NGEF: variants seen among roughly 807,000 people sequenced by gnomAD.
The protein encoded by NGEF is neuronal guanine nucleotide exchange factor.
NGEF carries 31 observed loss-of-function variants against 80.9 expected under a neutral mutation model. The observed-to-expected ratio is 0.38, with a 90% CI of 0.29 to 0.52. NGEF has a LOEUF of 0.52. Among genes scored for constraint, NGEF ranks in the 20% least tolerant of loss-of-function variants. The pLI, the probability that NGEF is intolerant of heterozygous loss-of-function variation, is 0.84. For missense variants in NGEF, 709 were observed against 926.2 expected, an observed-to-expected ratio of 0.77 and a Z score of 3.04; for synonymous variants, 371 against 370.2, an observed-to-expected ratio of 1.00 and a Z score of -0.03.
chr2:232,900,331 CGCTCTCACAGTCACTCAT>C (rs1692284389), intron 5 of NGEF, among the ~76,000 whole-genome samples: 3 of 78,032 alleles, frequency 3.8e-5, no homozygotes, highest in African/African-American at 5.4e-5. Flanking sequence ...CACTCACACA[CGCTCTCACAGTCACTCAT>C]ACACGTTCAC....
intron 3 of NGEF, among the ~76,000 whole-genome samples, chr2:232,940,012 AT>A (rs1315156298): frequency 3.4e-5 from 5 of 146,670 alleles, no homozygotes; most frequent in Non-Finnish European, 7.6e-5. Context: ...AAAAAAAAAA[AT>A]TTGAGGTCTC....
At chr2:232,969,101 A>G (rs1203185793) in intron 3 of NGEF, among the ~76,000 whole-genome samples, 1 of 152,234 alleles carries the variant, frequency 6.6e-6, no homozygotes, top group Non-Finnish European at 1.5e-5. Flanking sequence ...GTACTGACTG[A>G]TACAATACCC....
chr2:232,968,070 G>A (rs1694101189), intron 3 of NGEF, among the ~76,000 whole-genome samples: 1 of 146,872 alleles, frequency 6.8e-6, no homozygotes, highest in African/African-American at 2.6e-5. Context: ...GAACCCATTT[G>A]CTGAGGGCAG....
chr2:233,001,625 A>G (rs1361244594), intron 1 of NGEF, among the ~76,000 whole-genome samples: 1 of 152,222 alleles, frequency 6.6e-6, no homozygotes, highest in Non-Finnish European at 1.5e-5. Flanking sequence ...CAGGATTTCT[A>G]TGCTGGCTTG....
At chr2:232,912,975 T>C (rs547072042) in intron 5 of NGEF, among the ~76,000 whole-genome samples, 2 of 152,346 alleles carry the variant, frequency 1.3e-5, no homozygotes, top group South Asian at 2.1e-4. Context: ...ATTTTCTCTA[T>C]ATTTTAAAAA....
Position 232,969,622 on chromosome 2 carries a change from C to T in NGEF, c.383+592G>A, listed in dbSNP as rs571979039. Among the ~76,000 whole-genome samples, 25 of 151,950 alleles carry T rather than the reference C, an allele frequency of 1.6e-4. No individual in the cohort carries two copies. In the South Asian group the frequency reaches 4.8e-3, roughly 29 times the overall value. ...ATCCCGGGTTCAATCGATTCTCTTC[C>T]CTCAGCCTCCCGAGTAGCTGGGATT... On this transcript the variant is annotated intron_variant, in intron 3 of 14. Transcript: ENST00000264051.
chr2:232,888,461 C>A (rs1387391174), intron 8 of NGEF, among the ~76,000 whole-genome samples: 1 of 152,148 alleles, frequency 6.6e-6, no homozygotes, highest in African/African-American at 2.4e-5. Flanking sequence ...GATGCATGCA[C>A]ACTTGCAAGC....
Position 232,879,433 on chromosome 2 carries a change from C to CCCCCCCA in NGEF, c.*55_*56insTGGGGGG. ...GTGCTTCCCAGAGCCCCCCCCCCCC[C>CCCCCCCA]ACCTTCTGTCGGGGTCTCATGCAGG... On this transcript the variant is annotated 3_prime_UTR_variant, in exon 15 of 15. Coordinates refer to ENST00000264051, the MANE Select transcript of NGEF (RefSeq NM_019850.3). The CCCCCCCA allele has an allele frequency of 3.5e-6, 5 of 1,418,598 alleles. No homozygotes were observed. The highest frequency in any genetic ancestry group is 1.4e-5 in the South Asian group (1 of 73,940). The allele number at this position is 1,418,598 out of a possible 1,614,324, so 87.9% of individuals were successfully genotyped here. A position where few individuals can be genotyped will look rare whatever the true frequency, so the allele number is the denominator to read the frequency against.
intron 5 of NGEF, among the ~76,000 whole-genome samples, chr2:232,896,071 C>T (rs1559196843): frequency 2.0e-5 from 3 of 151,232 alleles, no homozygotes; most frequent in African/African-American, 7.3e-5. Context: ...GGGTTCAGGT[C>T]CCACAGTCGC....
chr2:232,940,025 C>T (rs998600920), intron 3 of NGEF, among the ~76,000 whole-genome samples: 2 of 151,638 alleles, frequency 1.3e-5, no homozygotes, highest in African/African-American at 4.8e-5. Flanking sequence ...TGAGGTCTCA[C>T]GAGAAGACCA....
intron 13 of NGEF, 100 bp from the exon 14 acceptor site, chr2:232,881,350 C>A: frequency 1.2e-6 from 1 of 833,900 alleles, no homozygotes; most frequent in South Asian, 1.5e-5. Context: ...TAGGAAAACT[C>A]CCACAGCAAC....
At chr2:232,985,760 AAAAACAAAAAC>A (rs1451100194) in intron 1 of NGEF, among the ~76,000 whole-genome samples, 3 of 151,706 alleles carry the variant, frequency 2.0e-5, no homozygotes, top group Non-Finnish European at 4.4e-5. Flanking sequence ...GTCTCAAAAC[AAAAACAAAAAC>A]AAAACAAAAA....
chr2:232,993,170 A>T (rs1438880119), intron 1 of NGEF, among the ~76,000 whole-genome samples: 7 of 134,502 alleles, frequency 5.2e-5, no homozygotes, highest in Non-Finnish European at 1.1e-4. Context: ...TATATATTAT[A>T]TATATAAATA....
chr2:232,927,293 T>C (rs1693093827), intron 3 of NGEF, 107 bp from the exon 4 acceptor site: 1 of 1,241,232 alleles, frequency 8.1e-7, no homozygotes, highest in Non-Finnish European at 1.1e-6. Context: ...AGCCGGACCT[T>C]ACCCGGGACC....
chr2:232,902,798 C>T (rs1350847406), intron 5 of NGEF, among the ~76,000 whole-genome samples: 1 of 152,032 alleles, frequency 6.6e-6, no homozygotes, highest in Non-Finnish European at 1.5e-5. Flanking sequence ...GCCAGGAGTT[C>T]GATGGCCAAC....
chr2:232,891,607 G>T, intron 7 of NGEF, 120 bp from the exon 8 acceptor site: 5 of 1,156,870 alleles, frequency 4.3e-6, no homozygotes, highest in Non-Finnish European at 6.0e-6. Flanking sequence ...AAAACATGTT[G>T]ATTTCTTTCT....
chr2:232,902,991 TAAAACAAAACA>T (rs1397153092), intron 5 of NGEF, among the ~76,000 whole-genome samples: 3 of 114,998 alleles, frequency 2.6e-5, no homozygotes, highest in African/African-American at 9.6e-5. Context: ...GAGACTGTCT[TAAAACAAAACA>T]AAAACAAAAC....
chr2:232,944,287 C>T (rs754306150), intron 3 of NGEF, among the ~76,000 whole-genome samples: 1 of 152,014 alleles, frequency 6.6e-6, no homozygotes, highest in Admixed American at 6.6e-5. Flanking sequence ...GTGCATTTAC[C>T]CTTCCACCCA....
rs1032992364 is a variant in NGEF, at chr2:232,891,110, C to T, written c.1272+248G>A. ...GGCCAGCCAGCCACCCCTGTCGTGT[C>T]GGCCCATTTGGCTGTCCCCAGGGCC... is the stretch of plus-strand genomic sequence containing the variant. On this transcript the variant is annotated intron_variant, in intron 8 of 14. Coordinates refer to ENST00000264051, the MANE Select transcript of NGEF (RefSeq NM_019850.3). 9.1e-5 allele frequency: 53 copies of T among 581,656 alleles called. 1 individual carries two copies. The highest frequency in any genetic ancestry group is 5.7e-4 in the South Asian group (35 of 61,886). The allele number at this position is 581,656 out of a possible 1,614,324, so 36.0% of individuals were successfully genotyped here.
Sources: gnomAD v4.1 joint callset for allele counts (sites outside exome capture counted in the v4.1 genomes callset) on GRCh38, gnomAD v4.1.1 for gene constraint, MANE v1.5 for transcripts, NCBI Gene and HGNC (gene_info 2026-07-23, HGNC 2026-07-21) for gene names.